The following EXOC4 variants were observed in gnomAD, a reference collection of about 807,000 sequenced individuals.
The protein encoded by EXOC4 is exocyst complex component 4, also known as SEC8-like 1.
Under a neutral mutation model 107.2 loss-of-function variants are expected in EXOC4, and 71 were observed. The ratio of observed to expected loss-of-function variants is 0.66; its 90% CI spans 0.55 to 0.81. The LOEUF (loss-of-function observed/expected upper bound fraction) is 0.81. Among genes scored for constraint, EXOC4 ranks in the 30% least tolerant of loss-of-function variants. EXOC4 has a pLI of 0.00. For synonymous variants in EXOC4, 456 were observed against 441.2 expected (o/e 1.03, Z -0.42); for missense variants, 1,108 against 1,189.6 (o/e 0.93, Z 1.01).
chr7:133,360,816 T>C lies in EXOC4; in HGVS notation c.1007+4243T>C, dbSNP rs141243480. ...GGTTATTTTAATCACAAGAAATTAT[T>C]AGAAATAAAAATGCCTGTGGGGGTA... On this transcript the variant is annotated intron_variant, in intron 6 of 17. Transcript: ENST00000253861. 2.2e-3 allele frequency among the ~76,000 whole-genome samples: 329 copies of C among 152,332 alleles called. 7 individuals are homozygous for C. In the East Asian group the frequency reaches 0.052, roughly 24 times the overall value.
chr7:133,542,181 G>GTGTA (rs1455402845), intron 9 of EXOC4, among the ~76,000 whole-genome samples: 1 of 151,566 alleles, frequency 6.6e-6, no homozygotes, highest in Non-Finnish European at 1.5e-5. Context: ...GTGTGTGTGT[G>GTGTA]TGTGTGTGTG....
chr7:133,647,655 C>G (rs551175249), intron 10 of EXOC4, among the ~76,000 whole-genome samples: 7 of 152,016 alleles, frequency 4.6e-5, no homozygotes, highest in East Asian at 1.9e-4. Context: ...CTCAAAGGCT[C>G]GAGGACTCTT....
intron 10 of EXOC4, among the ~76,000 whole-genome samples, chr7:133,790,285 G>A (rs1442778562): frequency 6.6e-6 from 1 of 152,224 alleles, no homozygotes; most frequent in Non-Finnish European, 1.5e-5. Flanking sequence ...CACTGGAAAA[G>A]TCTCAGAGAT....
At chr7:134,005,136 TGAAA>T in intron 16 of EXOC4, 46 bp downstream of exon 16, 2 of 1,559,216 alleles carry the variant, frequency 1.3e-6, no homozygotes, top group Middle Eastern at 2.2e-4. Context: ...GAAGAAAGGA[TGAAA>T]GTTTTCCTGA....
intron 9 of EXOC4, among the ~76,000 whole-genome samples, chr7:133,527,120 T>A (rs940800794): frequency 8.6e-5 from 13 of 151,978 alleles, no homozygotes; most frequent in Admixed American, 2.6e-4. Flanking sequence ...TAATATGTAT[T>A]TAGCTGGGCC....
chr7:133,719,655 T>C (rs1026432880), intron 10 of EXOC4, among the ~76,000 whole-genome samples: 15 of 151,992 alleles, frequency 9.9e-5, no homozygotes, highest in Non-Finnish European at 2.2e-4. Flanking sequence ...TAAGAAGTAA[T>C]CAAGATTATT....
rs2150657668 is a variant in EXOC4, at chr7:133,356,298, GTATCTATTATTGT to G, written c.764-28_764-16del. 1 of 1,609,224 alleles carries G rather than the reference GTATCTATTATTGT, an allele frequency of 6.2e-7. No individual in the cohort carries two copies. On this transcript the variant is annotated intron_variant, in intron 5 of 17. Coordinates refer to ENST00000253861, the MANE Select transcript of EXOC4 (RefSeq NM_021807.4). Reference sequence around the variant, plus strand: ...GTTTTGGGGTTTTTGAGTGGAGTCTGTATCTATTATTGTTATTATTTAATTTTTCAGTGAGGGA... The same window carrying G: ...GTTTTGGGGTTTTTGAGTGGAGTCTGTATTATTTAATTTTTCAGTGAGGGA...
chr7:134,007,830 T>G lies in EXOC4; in HGVS notation c.2682T>G (p.Phe894Leu). The G allele has an allele frequency of 1.2e-6, 2 of 1,611,862 alleles. No individual in the cohort carries two copies. The highest frequency in any genetic ancestry group is 2.2e-5 in the East Asian group (1 of 44,838). Reference sequence around the variant, plus strand: ...TGTCGCGGGAGGCAGACCTGGACTTTGCAAGGTAGGAGGGAAAACTGGGTT... The same window carrying G: ...TGTCGCGGGAGGCAGACCTGGACTTGGCAAGGTAGGAGGGAAAACTGGGTT... ...ITMSREADLD[F>L]ARQYYEMLYN... Residue 894 changes from phenylalanine to leucine, a missense_variant, in exon 17 of 18, where the codon TTT (phenylalanine) becomes TTG (leucine). By Grantham distance (22) the Phe-to-Leu change is conservative (BLOSUM62 0). Transcript: ENST00000253861.
intron 10 of EXOC4, among the ~76,000 whole-genome samples, chr7:133,683,717 C>T (rs1794235602): frequency 6.6e-6 from 1 of 151,928 alleles, no homozygotes; most frequent in Admixed American, 6.6e-5. Context: ...TTTCCAATTT[C>T]GGGGCACTCA....
chr7:133,459,342 A>G (rs778528589), intron 7 of EXOC4, among the ~76,000 whole-genome samples: 5 of 152,182 alleles, frequency 3.3e-5, no homozygotes, highest in Non-Finnish European at 7.3e-5. Flanking sequence ...TATGTTTACA[A>G]ATGCTCACTC....
intron 10 of EXOC4, among the ~76,000 whole-genome samples, chr7:133,635,514 A>C (rs1001520192): frequency 6.6e-6 from 1 of 152,232 alleles, no homozygotes; most frequent in Non-Finnish European, 1.5e-5. Flanking sequence ...GCTTGCACCT[A>C]ACCAGAAGTA....
At position 133,259,400 on chromosome 7, in the gene EXOC4, T is replaced by G. The variant is rs116997096; in HGVS notation, c.86+6213T>G. 8.2e-3 allele frequency among the ~76,000 whole-genome samples: 1,245 copies of G among 152,086 alleles called. 79 individuals carry two copies. The East Asian group carries it at 0.18, about 22-fold the overall frequency. On this transcript the variant is annotated intron_variant, in intron 1 of 17. Coordinates refer to ENST00000253861, the MANE Select transcript of EXOC4 (RefSeq NM_021807.4). ...GGCACCATGCCCAGCTAATTGAATG[T>G]ATTTTTAGTAGAGACAGGGTTTCAC...
the EXOC4 span, among the ~76,000 whole-genome samples, chr7:134,087,501 A>G: frequency 1.3e-5 from 2 of 152,346 alleles, no homozygotes; most frequent in Middle Eastern, 6.8e-3. Context: ...ATTACACAAT[A>G]GTAAGGCAAA....
intron 16 of EXOC4, among the ~76,000 whole-genome samples, chr7:134,006,631 C>A (rs1794648438): frequency 6.6e-6 from 1 of 152,086 alleles, no homozygotes; most frequent in Non-Finnish European, 1.5e-5. Context: ...GCACTCTGAT[C>A]TAAACCTCAG....
intron 1 of EXOC4, among the ~76,000 whole-genome samples, chr7:133,255,246 G>T (rs980099082): frequency 6.6e-6 from 1 of 151,510 alleles, no homozygotes; most frequent in Non-Finnish European, 1.5e-5. Flanking sequence ...GCGCGATCTC[G>T]GCTCACTGCA....
chr7:134,067,944 T>C (rs144469713), downstream of EXOC4, among the ~76,000 whole-genome samples: 774 of 152,218 alleles, frequency 5.1e-3, 5 homozygotes, highest in Middle Eastern at 0.02. Flanking sequence ...ATTTTCCCCC[T>C]CCACACTGAT....
intron 10 of EXOC4, among the ~76,000 whole-genome samples, chr7:133,792,553 C>CAAAAAAAA (rs56408972): frequency 3.1e-4 from 23 of 73,570 alleles, no homozygotes; most frequent in African/African-American, 1.1e-3. Context: ...ACCCTGTCTC[C>CAAAAAAAA]AAAAAAAAAA....
chr7:133,385,202 A>G (rs1017150711), intron 7 of EXOC4, among the ~76,000 whole-genome samples: 1 of 152,214 alleles, frequency 6.6e-6, no homozygotes, highest in African/African-American at 2.4e-5. Context: ...TATCACGTCT[A>G]CTGTGTTCTT....
intron 9 of EXOC4, among the ~76,000 whole-genome samples, chr7:133,606,731 G>C (rs1457680777): frequency 6.6e-6 from 1 of 151,904 alleles, no homozygotes. Context: ...GGCCAGGCTA[G>C]TCTCGAACTC....
Sources: allele counts gnomAD v4.1 joint callset (sites outside exome capture counted in the v4.1 genomes callset), GRCh38; gene constraint gnomAD v4.1.1; transcripts MANE v1.5; gene names NCBI Gene and HGNC (gene_info 2026-07-23, HGNC 2026-07-21).